The following TRPS1 variants were observed in gnomAD, a reference collection of about 807,000 sequenced individuals.
TRPS1 encodes transcriptional repressor GATA binding 1, also known as zinc finger transcription factor Trps1.
Under a neutral mutation model 101.2 loss-of-function variants are expected in TRPS1, and 6 were observed. That is an observed-to-expected ratio of 0.06 (90% confidence interval 0.03 to 0.12). The LOEUF is 0.12. Ranked by LOEUF, TRPS1 falls within the 10% of genes least tolerant of loss-of-function variation. The pLI is 1.00. For synonymous variants in TRPS1, 578 were observed against 589.8 expected (o/e 0.98, Z 0.29); for missense variants, 1,363 against 1,567.0 (o/e 0.87, Z 2.20).
At chr8:115,660,310 G>A (rs1416116023) in intron 1 of TRPS1, among the ~76,000 whole-genome samples, 1 of 151,938 alleles carries the variant, frequency 6.6e-6, no homozygotes, top group African/African-American at 2.4e-5. Context: ...AATTCTACAA[G>A]TAAAAACAGC....
intron 5 of TRPS1, among the ~76,000 whole-genome samples, chr8:115,498,413 C>CTATATA (rs1563554199): frequency 2.4e-4 from 15 of 63,476 alleles, no homozygotes; most frequent in African/African-American, 4.3e-4. Context: ...CTCTCTCTCT[C>CTATATA]TCTATATATA....
intron 5 of TRPS1, among the ~76,000 whole-genome samples, chr8:115,582,173 C>T (rs143345761): frequency 0.011 from 1,668 of 152,218 alleles, 36 homozygotes; most frequent in South Asian, 0.045. Context: ...TAAGTCAGTG[C>T]TACCTCTTTG....
chr8:115,492,337 T>C, intron 5 of TRPS1: 1 of 446,740 alleles, frequency 2.2e-6, no homozygotes, highest in Non-Finnish European at 4.5e-6. Flanking sequence ...AGGCAGATAA[T>C]TTTGCAGGAA....
chr8:115,496,236 C>T (rs1056275786), intron 5 of TRPS1, among the ~76,000 whole-genome samples: 15 of 152,212 alleles, frequency 9.9e-5, no homozygotes, highest in African/African-American at 2.6e-4. Flanking sequence ...CAATAGAACC[C>T]GGTACTAATT....
chr8:115,661,530 G>A (rs537995581), intron 1 of TRPS1: 14 of 152,078 alleles, frequency 9.2e-5, no homozygotes, highest in African/African-American at 2.6e-4. Context: ...GGTATCCTAT[G>A]ACAAGCTACT....
chr8:115,551,171 T>G (rs1816695211), intron 5 of TRPS1, among the ~76,000 whole-genome samples: 1 of 152,186 alleles, frequency 6.6e-6, no homozygotes, highest in African/African-American at 2.4e-5. Flanking sequence ...AGAAAAAAGA[T>G]CCAATAAATT....
At chr8:115,550,804 T>A (rs1816686726) in intron 5 of TRPS1, among the ~76,000 whole-genome samples, 1 of 152,230 alleles carries the variant, frequency 6.6e-6, no homozygotes. Context: ...CCAACTTTTA[T>A]TGAGCTCCAA....
At chr8:115,582,495 A>C (rs1817474057) in intron 5 of TRPS1, among the ~76,000 whole-genome samples, 1 of 152,178 alleles carries the variant, frequency 6.6e-6, no homozygotes, top group Non-Finnish European at 1.5e-5. Context: ...AAAATGAACA[A>C]ATAATCAGAC....
chr8:115,533,463 G>GGAAAAAAAAAAAAAAAAAAAAAAAAAAA (rs1816202025), intron 5 of TRPS1, among the ~76,000 whole-genome samples: 1 of 19,928 alleles, frequency 5.0e-5, no homozygotes, highest in Non-Finnish European at 9.6e-5. Context: ...TTTTTTTCCT[G>GGAAAAAAAAAAAAAAAAAAAAAAAAAAA]AAAAAAATCA....
intron 5 of TRPS1, among the ~76,000 whole-genome samples, chr8:115,542,580 T>C (rs1048401068): frequency 1.3e-5 from 2 of 151,782 alleles, no homozygotes; most frequent in Non-Finnish European, 2.9e-5. Context: ...AGGGAGAAGG[T>C]CTAATTTAGG....
At chr8:115,599,094 T>C (rs1445454411) in intron 4 of TRPS1, among the ~76,000 whole-genome samples, 6 of 152,206 alleles carry the variant, frequency 3.9e-5, no homozygotes, top group Non-Finnish European at 5.9e-5. Flanking sequence ...CTTCTGGGAC[T>C]CTGATTAGAT....
At chr8:115,574,645 C>T (rs943731435) in intron 5 of TRPS1, among the ~76,000 whole-genome samples, 1 of 152,078 alleles carries the variant, frequency 6.6e-6, no homozygotes, top group African/African-American at 2.4e-5. Flanking sequence ...GCACCAAACA[C>T]TTCACTGAGT....
At chr8:115,634,836 C>A (rs183916367) in intron 1 of TRPS1, among the ~76,000 whole-genome samples, 31 of 150,166 alleles carry the variant, frequency 2.1e-4, no homozygotes, top group African/African-American at 7.6e-4. Context: ...AAAATTGCAG[C>A]CTACTAAGTG....
At chr8:115,491,563 T>A (rs1466678533) in intron 5 of TRPS1, among the ~76,000 whole-genome samples, 1 of 151,956 alleles carries the variant, frequency 6.6e-6, no homozygotes, top group East Asian at 1.9e-4. Flanking sequence ...GAGGATTGTT[T>A]GAGATTACTT....
At position 115,561,584 on chromosome 8, in the gene TRPS1, G is replaced by T. The variant is rs571006110; in HGVS notation, c.2700+25417C>A. Among the ~76,000 whole-genome samples the T allele has an allele frequency of 2.0e-5, 3 of 152,008 alleles. No individual in the cohort carries two copies. The South Asian group carries it at 6.2e-4, about 31-fold the overall frequency. On this transcript the variant is annotated intron_variant, in intron 5 of 6. Transcript: ENST00000395715. ...CTAACACTATTAAGTAATGGAAATA[G>T]AATTTTACCCTCGGTAACCTTTACA... is the stretch of plus-strand genomic sequence containing the variant.
chr8:115,609,984 T>G (rs1367519627), intron 3 of TRPS1, among the ~76,000 whole-genome samples: 1 of 152,196 alleles, frequency 6.6e-6, no homozygotes, highest in Non-Finnish European at 1.5e-5. Flanking sequence ...CTAACAAGAA[T>G]AATATCTAAA....
intron 5 of TRPS1, among the ~76,000 whole-genome samples, chr8:115,551,839 C>G (rs191509462): frequency 6.6e-6 from 1 of 152,256 alleles, no homozygotes; most frequent in African/African-American, 2.4e-5. Context: ...ATTTGCAACA[C>G]TTAATTTAGT....
At chr8:115,419,112 C>A (rs976693445) in intron 5 of TRPS1, among the ~76,000 whole-genome samples, 2 of 152,046 alleles carry the variant, frequency 1.3e-5, no homozygotes, top group Non-Finnish European at 2.9e-5. Context: ...CAACATAGAC[C>A]CTTCAATGGC....
rs1447457477 is a variant in TRPS1, at chr8:115,415,004, T to C, written c.2904A>G (p.Pro968=). ...TGAGCTGCTCAGCCTGAAGTGCCTC[T>C]GGGTTAAGGCGCTTTCTTGTTCTCC... ...IRRRTRKRLN[P]EALQAEQLNK... Residue 968 remains proline (P), a synonymous_variant, in exon 7 of 7, where the codon CCA becomes CCG. Coordinates refer to ENST00000395715, the MANE Select transcript of TRPS1 (RefSeq NM_014112.5). The C allele has an allele frequency of 3.8e-6, 6 of 1,576,676 alleles. No homozygotes were observed. Among genetic ancestry groups the C allele is most frequent in the Admixed American group, 2.0e-5 (1 of 51,190 alleles).
Sources: gnomAD v4.1 joint callset for allele counts (sites outside exome capture counted in the v4.1 genomes callset) on GRCh38, gnomAD v4.1.1 for gene constraint, MANE v1.5 for transcripts, NCBI Gene and HGNC (gene_info 2026-07-23, HGNC 2026-07-21) for gene names.